Variants in ARHGAP18 observed in about 807,000 individuals in gnomAD.
ARHGAP18 encodes the protein Rho GTPase activating protein 18.
Under a neutral mutation model 86.2 loss-of-function variants are expected in ARHGAP18, and 67 were observed. The observed-to-expected ratio is 0.78, with a 90% CI of 0.64 to 0.95. The LOEUF is 0.95. Ranked by LOEUF, ARHGAP18 falls within the 40% of genes least tolerant of loss-of-function variation. The pLI is 0.00. For synonymous variants in ARHGAP18, 283 were observed against 280.4 expected, an observed-to-expected ratio of 1.01 and a Z score of -0.09; for missense variants, 691 against 780.4, an observed-to-expected ratio of 0.89 and a Z score of 1.37.
intron 1 of ARHGAP18, among the ~76,000 whole-genome samples, chr6:129,679,399 C>A (rs943273139): frequency 1.3e-5 from 2 of 152,142 alleles, no homozygotes; most frequent in Non-Finnish European, 2.9e-5. Flanking sequence ...GCCGGAAAAG[C>A]AGATTGGAGT....
intron 1 of ARHGAP18, among the ~76,000 whole-genome samples, chr6:129,659,979 T>C (rs1584097181): frequency 6.6e-6 from 1 of 150,764 alleles, no homozygotes; most frequent in African/African-American, 2.4e-5. Context: ...GTAGCAAGCA[T>C]GGACAGTGGG....
intron 2 of ARHGAP18, among the ~76,000 whole-genome samples, chr6:129,640,811 A>C (rs984648496): frequency 7.2e-5 from 11 of 152,220 alleles, no homozygotes; most frequent in Admixed American, 1.3e-4. Flanking sequence ...ACATCAACTT[A>C]TATAAACATA....
At chr6:129,598,431 A>C (rs866061403) in intron 12 of ARHGAP18, among the ~76,000 whole-genome samples, 24 of 152,312 alleles carry the variant, frequency 1.6e-4, no homozygotes, top group Middle Eastern at 3.4e-3. Context: ...ATTATTCCAC[A>C]AGATGTCAGC....
At chr6:129,669,153 G>A (rs1156303690) in intron 1 of ARHGAP18, among the ~76,000 whole-genome samples, 2 of 151,548 alleles carry the variant, frequency 1.3e-5, no homozygotes, top group African/African-American at 4.9e-5. Context: ...CAACTGCTGT[G>A]CTTGGCATCT....
chr6:129,687,069 A>G (rs2326860), intron 1 of ARHGAP18, among the ~76,000 whole-genome samples: 1 of 148,468 alleles, frequency 6.7e-6, no homozygotes, highest in Non-Finnish European at 1.5e-5. Context: ...GGTTATTCAC[A>G]CAACTCAGCC....
chr6:129,685,918 A>G lies in ARHGAP18; in HGVS notation c.113+24106T>C, dbSNP rs763421915. On this transcript the variant is annotated intron_variant, in intron 1 of 14. Coordinates refer to ENST00000368149, the MANE Select transcript of ARHGAP18 (RefSeq NM_033515.3). ...GTCTTTTTGCAACAACCCTGCCTGT[A>G]TGTTGGCAACAACTTTCAAAATCAA... Among the ~76,000 whole-genome samples, 60 of 152,202 alleles carry G rather than the reference A, an allele frequency of 3.9e-4. 1 individual carries two copies. The highest frequency in any genetic ancestry group is 1.5e-4 in the Non-Finnish European group (10 of 68,028).
chr6:129,627,382 C>CAA (rs58533930), intron 5 of ARHGAP18, among the ~76,000 whole-genome samples: 2 of 151,662 alleles, frequency 1.3e-5, no homozygotes, highest in Non-Finnish European at 2.9e-5. Context: ...GCTACATTGA[C>CAA]AAAAAAGAAA....
Position 129,625,612 on chromosome 6 carries a change from ATAT to A in ARHGAP18, c.786+3738_786+3740del, listed in dbSNP as rs1490116110. Among the ~76,000 whole-genome samples, 2 of 67,582 alleles carry A rather than the reference ATAT, an allele frequency of 3.0e-5. 1 individual carries two copies. Among genetic ancestry groups the A allele is most frequent in the Non-Finnish European group, 5.2e-5 (2 of 38,328 alleles). The allele number at this position is 67,582 out of a possible 152,430, so 44.3% of individuals were successfully genotyped here. ...ATATATTTATATATTATATATTATT[ATAT>A]ATTTATATATTATATATATTTATAT... On this transcript the variant is annotated intron_variant, in intron 5 of 14. Transcript: ENST00000368149.
intron 1 of ARHGAP18, among the ~76,000 whole-genome samples, chr6:129,669,968 A>T (rs1774113449): frequency 6.6e-6 from 1 of 152,192 alleles, no homozygotes; most frequent in Non-Finnish European, 1.5e-5. Flanking sequence ...TCACTATGAC[A>T]CCATAATTTT....
chr6:129,615,415 G>A (rs1789075798), intron 7 of ARHGAP18, among the ~76,000 whole-genome samples: 1 of 152,222 alleles, frequency 6.6e-6, no homozygotes, highest in Non-Finnish European at 1.5e-5. Context: ...TAGTAGGTAA[G>A]ACGGAATTAA....
At chr6:129,673,451 A>G (rs1222636474) in intron 1 of ARHGAP18, among the ~76,000 whole-genome samples, 1 of 152,174 alleles carries the variant, frequency 6.6e-6, no homozygotes, top group Non-Finnish European at 1.5e-5. Flanking sequence ...GTTTATTTTA[A>G]AAGTGTTTTT....
chr6:129,618,624 AAAAGCC>A, intron 6 of ARHGAP18, 57 bp downstream of exon 6: 2 of 1,477,396 alleles, frequency 1.4e-6, no homozygotes, highest in Non-Finnish European at 1.8e-6. Flanking sequence ...AATACTGCAA[AAAAGCC>A]AAGTCCATCC....
intron 1 of ARHGAP18, among the ~76,000 whole-genome samples, chr6:129,645,320 T>C (rs1270139316): frequency 2.6e-5 from 4 of 152,342 alleles, no homozygotes; most frequent in Admixed American, 6.5e-5. Flanking sequence ...TTTCCTCTTT[T>C]CTGTTTTTAG....
chr6:129,595,826 C>G (rs368358742), intron 12 of ARHGAP18, among the ~76,000 whole-genome samples: 12 of 152,240 alleles, frequency 7.9e-5, no homozygotes, highest in East Asian at 3.9e-4. Flanking sequence ...AAATTGAAAT[C>G]ATGAAATTGA....
chr6:129,578,793 A>G (rs551547387), intron 14 of ARHGAP18, among the ~76,000 whole-genome samples, 189 bp from the exon 15 acceptor site: 2 of 152,178 alleles, frequency 1.3e-5, no homozygotes, highest in South Asian at 2.1e-4. Flanking sequence ...ATGAAACCCC[A>G]TCTCTACAAA....
At chr6:129,702,597 T>C (rs1490898852) in intron 1 of ARHGAP18, among the ~76,000 whole-genome samples, 1 of 152,126 alleles carries the variant, frequency 6.6e-6, no homozygotes, top group African/African-American at 2.4e-5. Context: ...GAGTGATCCA[T>C]GCTGTTAGTG....
intron 1 of ARHGAP18, among the ~76,000 whole-genome samples, chr6:129,703,003 C>A (rs369531432): frequency 3.4e-5 from 5 of 149,214 alleles, no homozygotes; most frequent in Non-Finnish European, 1.5e-5. Flanking sequence ...ATCTCCAAAA[C>A]AAAAAAAAAA....
chr6:129,652,592 C>T (rs554059479), intron 1 of ARHGAP18, among the ~76,000 whole-genome samples: 1 of 152,278 alleles, frequency 6.6e-6, no homozygotes, highest in Admixed American at 6.5e-5. Context: ...CTACAGTTTG[C>T]CAACACACCT....
At chr6:129,614,452 C>A (rs1004660383) in intron 7 of ARHGAP18, among the ~76,000 whole-genome samples, 1 of 152,196 alleles carries the variant, frequency 6.6e-6, no homozygotes. Context: ...GGGCCATTAT[C>A]CAATCCTTCA....
Sources: gnomAD v4.1 joint callset for allele counts (sites outside exome capture counted in the v4.1 genomes callset) on GRCh38, gnomAD v4.1.1 for gene constraint, MANE v1.5 for transcripts, NCBI Gene and HGNC (gene_info 2026-07-23, HGNC 2026-07-21) for gene names.